Variants in ERGIC1 observed in about 807,000 individuals in gnomAD.
The protein encoded by ERGIC1 is endoplasmic reticulum-golgi intermediate compartment 1, also known as endoplasmic reticulum-Golgi intermediate compartment protein 1.
In ERGIC1, 19 loss-of-function variants were observed where a neutral mutation model predicts 38.3. The observed-to-expected ratio is 0.50, with a 90% CI of 0.35 to 0.73. The LOEUF is 0.73. Among genes scored for constraint, ERGIC1 ranks in the 30% least tolerant of loss-of-function variants. ERGIC1 has a pLI of 0.01. For synonymous variants in ERGIC1, 124 were observed against 157.6 expected (o/e 0.79, Z 1.60); for missense variants, 294 against 389.2 (o/e 0.76, Z 2.06).
In ERGIC1 at chr5:172,836,564, A is replaced by G. The variant is rs148553384; in HGVS notation, c.20+2131A>G. Among the ~76,000 whole-genome samples, 4 of 152,324 alleles carry G rather than the reference A, an allele frequency of 2.6e-5. No homozygotes were observed. The East Asian group carries it at 7.7e-4, about 29-fold the overall frequency. On this transcript the variant is annotated intron_variant, in intron 1 of 9. Coordinates refer to ENST00000393784, the MANE Select transcript of ERGIC1 (RefSeq NM_001031711.3). ...CACTCTTTAAGCTCTGTGAACTTCA[A>G]GGCTCCAGGACCTGGGTTCTACTGA...
intron 2 of ERGIC1, among the ~76,000 whole-genome samples, chr5:172,896,551 C>T (rs1174005197): frequency 2.6e-5 from 4 of 152,218 alleles, no homozygotes; most frequent in South Asian, 4.1e-4. Flanking sequence ...TCATGGGCTC[C>T]GACCCTCCGT....
chr5:172,846,521 TCTGAGTTGGGAGACAG>T lies in ERGIC1; in HGVS notation c.20+12090_20+12105del, dbSNP rs1424023901. On this transcript the variant is annotated intron_variant, in intron 1 of 9. Transcript: ENST00000393784. This position sits in a 1 kb window ranked among gnomAD's most constrained non-coding sequence, Gnocchi z 4.0. The stretch of plus-strand genomic sequence containing the variant: ...GCATGGTAGGAGGAACTGTCTTGGC[TCTGAGTTGGGAGACAG>T]CAGAGCTAGGATTGCAGCTGATCTG... 2.0e-5 allele frequency among the ~76,000 whole-genome samples: 3 copies of T among 152,322 alleles called. No individual in the cohort carries two copies. Among genetic ancestry groups the T allele is most frequent in the African/African-American group, 7.2e-5 (3 of 41,562 alleles).
chr5:172,875,647 T>G (rs1163373313), intron 1 of ERGIC1, among the ~76,000 whole-genome samples: 1 of 152,058 alleles, frequency 6.6e-6, no homozygotes, highest in Non-Finnish European at 1.5e-5. Flanking sequence ...CAGGCTGGAG[T>G]GCAGTGGTGC....
chr5:172,923,906 T>G, intron 5 of ERGIC1, 99 bp from the exon 6 acceptor site: 1 of 1,059,592 alleles, frequency 9.4e-7, no homozygotes, highest in Non-Finnish European at 1.4e-6. Context: ...CAGATCTGCC[T>G]GATTCCAGTG....
chr5:172,843,688 G>A (rs1199771201), intron 1 of ERGIC1, among the ~76,000 whole-genome samples: 1 of 152,192 alleles, frequency 6.6e-6, no homozygotes. Flanking sequence ...AAACCCCTCT[G>A]GGGACTGACC....
intron 5 of ERGIC1, among the ~76,000 whole-genome samples, chr5:172,923,732 G>A (rs1188978735): frequency 1.3e-5 from 2 of 152,168 alleles, no homozygotes; most frequent in Non-Finnish European, 2.9e-5. Context: ...CTTTGTGCCC[G>A]TCGCCCAGAT....
At chr5:172,944,329 C>T (rs1422582084) in intron 9 of ERGIC1, among the ~76,000 whole-genome samples, 1 of 152,044 alleles carries the variant, frequency 6.6e-6, no homozygotes, top group African/African-American at 2.4e-5. Context: ...GTCAATGCCA[C>T]CACAGTCCTA....
chr5:172,834,512 C>T lies in ERGIC1; in HGVS notation c.20+79C>T, dbSNP rs1760980546. On this transcript the variant is annotated intron_variant, in intron 1 of 9. Coordinates refer to ENST00000393784, the MANE Select transcript of ERGIC1 (RefSeq NM_001031711.3). The surrounding 1 kb of genome is among the most constrained non-coding windows in gnomAD (Gnocchi z 4.1). ...GCCCCGGCACGCCGCGGACCCCTCC[C>T]GCCCTGCATGCAAAAGCGGCTCCCC... The T allele has an allele frequency of 8.1e-7, 1 of 1,236,572 alleles. No homozygotes were observed. The highest frequency in any genetic ancestry group is 3.1e-5 in the South Asian group (1 of 32,184). The allele number at this position is 1,236,572 out of a possible 1,614,324, so 76.6% of individuals were successfully genotyped here. A position where few individuals can be genotyped will look rare whatever the true frequency, so the allele number is the denominator to read the frequency against.
chr5:172,855,421 A>C (rs975621236), intron 1 of ERGIC1, among the ~76,000 whole-genome samples: 1 of 152,070 alleles, frequency 6.6e-6, no homozygotes, highest in Non-Finnish European at 1.5e-5. Flanking sequence ...CATGTAAGAG[A>C]TGTCTGTTGC....
Position 172,924,069 on chromosome 5 carries a change from C to A in ERGIC1, c.440C>A (p.Thr147Lys), listed in dbSNP as rs757251614. The change falls in exon 6 of 10, where the codon ACG (threonine) becomes AAG (lysine). Residue 147 changes from threonine to lysine, a missense_variant. Physicochemically the swap from Thr to Lys is moderately conservative, Grantham distance 78. Around this residue, in one of 3 missense-constraint regions of ERGIC1, gnomAD observed 163 missense variants for 225.8 expected, o/e 0.72. Coordinates refer to ENST00000393784, the MANE Select transcript of ERGIC1 (RefSeq NM_001031711.3). ...GCCCAGCCACAGAACCCAGACATGACGCATGTCATCCACAAGCTCTCCTTT... is the reference window on the plus strand; with the variant it reads ...GCCCAGCCACAGAACCCAGACATGAAGCATGTCATCCACAAGCTCTCCTTT... ...ATAQPQNPDM[T>K]HVIHKLSFGD... The A allele has an allele frequency of 6.2e-7, 1 of 1,614,202 alleles. No individual in the cohort carries two copies. The highest frequency in any genetic ancestry group is 1.7e-5 in the Admixed American group (1 of 60,024).
At chr5:172,877,466 T>A (rs1236368254) in intron 1 of ERGIC1, among the ~76,000 whole-genome samples, 66 of 142,748 alleles carry the variant, frequency 4.6e-4, no homozygotes, top group Admixed American at 1.5e-3. Flanking sequence ...ATATTTTTTT[T>A]TTTTTTTTTT....
At chr5:172,858,746 G>C (rs1364818290) in intron 1 of ERGIC1, among the ~76,000 whole-genome samples, 1 of 152,212 alleles carries the variant, frequency 6.6e-6, no homozygotes, top group Non-Finnish European at 1.5e-5. Context: ...CCGCTGGCAT[G>C]GGTGGGGGTC....
chr5:172,904,948 G>GC (rs1469895797), intron 3 of ERGIC1, among the ~76,000 whole-genome samples: 1 of 152,202 alleles, frequency 6.6e-6, no homozygotes, highest in Non-Finnish European at 1.5e-5. Flanking sequence ...CAGCACCGCA[G>GC]CCCCCTTGTT....
chr5:172,892,817 T>C (rs1171859489), intron 2 of ERGIC1, among the ~76,000 whole-genome samples: 3 of 152,208 alleles, frequency 2.0e-5, no homozygotes, highest in South Asian at 4.1e-4. Flanking sequence ...CACAGTGGCA[T>C]TGTGACCTGG....
chr5:172,923,945 C>G, intron 5 of ERGIC1, 60 bp from the exon 6 acceptor site: 11 of 1,481,066 alleles, frequency 7.4e-6, no homozygotes, highest in South Asian at 1.2e-5. Flanking sequence ...GGGTGAGGCC[C>G]CAATGTTCCG....
chr5:172,891,131 T>C (rs1465836818), intron 2 of ERGIC1, among the ~76,000 whole-genome samples: 1 of 152,238 alleles, frequency 6.6e-6, no homozygotes, highest in Non-Finnish European at 1.5e-5. Context: ...CCTCAGTGCA[T>C]GGATGACTCT....
intron 3 of ERGIC1, among the ~76,000 whole-genome samples, chr5:172,907,285 C>T (rs891166124): frequency 2.0e-5 from 3 of 152,204 alleles, no homozygotes; most frequent in Admixed American, 6.5e-5. Context: ...CGGCCAGGCA[C>T]GGTGGCTCAT....
At chr5:172,855,289 C>G (rs759840094) in intron 1 of ERGIC1, among the ~76,000 whole-genome samples, 1 of 152,216 alleles carries the variant, frequency 6.6e-6, no homozygotes, top group Non-Finnish European at 1.5e-5. Context: ...CTGGACCCAG[C>G]AAACATGGCC....
chr5:172,853,486 C>T (rs1011384020), intron 1 of ERGIC1, among the ~76,000 whole-genome samples: 2 of 152,264 alleles, frequency 1.3e-5, no homozygotes, highest in Non-Finnish European at 1.5e-5. Flanking sequence ...TCGATCCCCA[C>T]AGCAGCCCTG....
Sources: gnomAD v4.1 joint callset for allele counts (sites outside exome capture counted in the v4.1 genomes callset) on GRCh38, gnomAD v4.1.1 for gene constraint, gnomAD v4.1.1 regional missense constraint, Gnocchi (gnomAD v3.1) non-coding constraint, MANE v1.5 for transcripts, NCBI Gene and HGNC (gene_info 2026-07-23, HGNC 2026-07-21) for gene names.